Variants in PLD5 observed in about 807,000 individuals in gnomAD.
PLD5 encodes the protein phospholipase D family member 5.
A neutral mutation model predicts 61.1 loss-of-function variants in PLD5; 36 were observed. The observed-to-expected ratio is 0.59, with a 90% CI of 0.45 to 0.78. The LOEUF (loss-of-function observed/expected upper bound fraction) is 0.78, where lower values mean the gene tolerates loss of function less well. Among genes scored for constraint, PLD5 ranks in the 30% least tolerant of loss-of-function variants. The pLI is 0.00. For missense variants in PLD5, 515 were observed against 644.4 expected, an observed-to-expected ratio of 0.80 and a Z score of 2.17; for synonymous variants, 243 against 242.8, an observed-to-expected ratio of 1.00 and a Z score of -0.01.
chr1:242,304,916 C>A (rs1050040938), intron 2 of PLD5, among the ~76,000 whole-genome samples: 1 of 152,046 alleles, frequency 6.6e-6, no homozygotes, highest in African/African-American at 2.4e-5. Context: ...CCAGCCTGGG[C>A]AACATGGTGA....
At chr1:242,428,664 C>G (rs1332954041) in intron 1 of PLD5, among the ~76,000 whole-genome samples, 1 of 152,026 alleles carries the variant, frequency 6.6e-6, no homozygotes, top group African/African-American at 2.4e-5. Context: ...AGCTTCCTAC[C>G]CTATATTTTT....
chr1:242,201,941 G>A (rs1380472751), intron 5 of PLD5, among the ~76,000 whole-genome samples: 2 of 151,692 alleles, frequency 1.3e-5, no homozygotes, highest in African/African-American at 4.8e-5. Flanking sequence ...GTGGCCAGGC[G>A]CAGTGGCTCA....
intron 1 of PLD5, among the ~76,000 whole-genome samples, chr1:242,466,787 G>A (rs1292980938): frequency 5.3e-5 from 8 of 152,082 alleles, no homozygotes; most frequent in Non-Finnish European, 2.9e-5. Flanking sequence ...CAGTTACTGG[G>A]GAGGCTGAGG....
At chr1:242,125,736 C>G (rs1325298039) in intron 5 of PLD5, among the ~76,000 whole-genome samples, 2 of 152,080 alleles carry the variant, frequency 1.3e-5, no homozygotes, top group African/African-American at 4.8e-5. Flanking sequence ...TCCTTAAGCC[C>G]TTCCCCAAGA....
At chr1:242,315,180 T>C (rs779786363) in intron 2 of PLD5, among the ~76,000 whole-genome samples, 18 of 152,128 alleles carry the variant, frequency 1.2e-4, no homozygotes, top group Non-Finnish European at 1.9e-4. Context: ...GTCATGGCTT[T>C]TAACAGAGAA....
intron 1 of PLD5, among the ~76,000 whole-genome samples, chr1:242,492,534 A>AG (rs1668197513): frequency 6.6e-6 from 1 of 151,872 alleles, no homozygotes; most frequent in African/African-American, 2.4e-5. Context: ...AAAAAAAAAA[A>AG]AAGAAAAGAG....
chr1:242,527,165 C>G (rs894836314), upstream of PLD5, among the ~76,000 whole-genome samples: 1 of 105,600 alleles, frequency 9.5e-6, no homozygotes, highest in Non-Finnish European at 1.8e-5. Context: ...GAGTCTTGCT[C>G]TCTCACCCAG....
chr1:242,277,540 T>TA (rs1674479208), intron 3 of PLD5, among the ~76,000 whole-genome samples: 1 of 145,384 alleles, frequency 6.9e-6, no homozygotes. Context: ...GATAAATGCT[T>TA]AAATGTCCAA....
At chr1:242,423,405 A>G (rs1413432293) in intron 1 of PLD5, among the ~76,000 whole-genome samples, 1 of 152,184 alleles carries the variant, frequency 6.6e-6, no homozygotes, top group Non-Finnish European at 1.5e-5. Flanking sequence ...GTCATATCTG[A>G]AAGGATAGAA....
intron 5 of PLD5, chr1:242,209,353 A>T (rs2148978946): frequency 6.6e-6 from 1 of 152,340 alleles, no homozygotes; most frequent in Admixed American, 6.5e-5. Flanking sequence ...ACATACAGGC[A>T]TACCTTGTGT....
rs10926663 is a variant in PLD5, at chr1:242,223,129, A to T, written c.608-3014T>A. ...TGAAGGTCGACTTTCTGGTTCACAG[A>T]GGGTGCCTCCTCACTGTGTCCTCAT... On this transcript the variant is annotated intron_variant, in intron 4 of 9. Coordinates refer to ENST00000536534, the MANE Select transcript of PLD5 (RefSeq NM_001372062.1). 2.6e-5 allele frequency among the ~76,000 whole-genome samples: 4 copies of T among 152,022 alleles called. No individual in the cohort carries two copies. In the East Asian group the frequency reaches 5.8e-4, roughly 22 times the overall value.
At chr1:242,393,165 C>A (rs183424030) in intron 1 of PLD5, among the ~76,000 whole-genome samples, 1 of 149,500 alleles carries the variant, frequency 6.7e-6, no homozygotes, top group Admixed American at 6.8e-5. Flanking sequence ...GATCACGCCA[C>A]TGAACTCCAG....
At chr1:242,493,429 T>C (rs1668238043) in intron 1 of PLD5, among the ~76,000 whole-genome samples, 2 of 152,186 alleles carry the variant, frequency 1.3e-5, no homozygotes, top group African/African-American at 4.8e-5. Context: ...GTTATGCTTC[T>C]GGACAGCGTC....
At chr1:242,453,979 G>A (rs1265714442) in intron 1 of PLD5, among the ~76,000 whole-genome samples, 1 of 152,156 alleles carries the variant, frequency 6.6e-6, no homozygotes, top group Non-Finnish European at 1.5e-5. Context: ...AGAGCTCAAC[G>A]TGCGCTGGTG....
chr1:242,292,826 T>C lies in PLD5; in HGVS notation c.327-4296A>G, dbSNP rs545145409. 2.0e-5 allele frequency among the ~76,000 whole-genome samples: 3 copies of C among 152,354 alleles called. No homozygotes were observed. In the South Asian group the frequency reaches 6.2e-4, roughly 32 times the overall value. On this transcript the variant is annotated intron_variant, in intron 2 of 9. Coordinates refer to ENST00000536534, the MANE Select transcript of PLD5 (RefSeq NM_001372062.1). ...ACCGGATCTTGTCATTTTGTGAATA[T>C]GTACTGCAGGATACACATGAGCTTA...
At chr1:242,101,981 A>G (rs1259532838) in intron 8 of PLD5, among the ~76,000 whole-genome samples, 1 of 152,206 alleles carries the variant, frequency 6.6e-6, no homozygotes, top group Admixed American at 6.6e-5. Flanking sequence ...GTTATAGACA[A>G]TGATACCTGG....
chr1:242,403,883 GA>G (rs1450280272), intron 1 of PLD5, among the ~76,000 whole-genome samples: 3 of 151,786 alleles, frequency 2.0e-5, no homozygotes, highest in African/African-American at 7.3e-5. Context: ...GTTTGAACTA[GA>G]TGAACTCTGA....
intron 6 of PLD5, among the ~76,000 whole-genome samples, chr1:242,119,422 C>T (rs910679040): frequency 2.0e-5 from 3 of 152,080 alleles, no homozygotes; most frequent in Non-Finnish European, 2.9e-5. Context: ...CATAGTAAGA[C>T]CTTGTCTCTA....
intron 5 of PLD5, among the ~76,000 whole-genome samples, chr1:242,132,440 A>G (rs1432026628): frequency 6.6e-6 from 1 of 152,262 alleles, no homozygotes. Flanking sequence ...TGTTTCCATG[A>G]TTTTATAGAA....
Sources: allele counts gnomAD v4.1 joint callset (sites outside exome capture counted in the v4.1 genomes callset), GRCh38; gene constraint gnomAD v4.1.1; transcripts MANE v1.5; gene names NCBI Gene and HGNC (gene_info 2026-07-23, HGNC 2026-07-21).